The following SPTBN1 variants were observed in gnomAD, a reference collection of about 807,000 sequenced individuals.
SPTBN1 encodes the protein spectrin beta, non-erythrocytic 1.
In SPTBN1, 32 loss-of-function variants were observed where a neutral mutation model predicts 266.4. The ratio of observed to expected loss-of-function variants is 0.12; its 90% confidence interval spans 0.09 to 0.16. The LOEUF is 0.16. Ranked by LOEUF, SPTBN1 falls within the 10% of genes least tolerant of loss-of-function variation. SPTBN1 has a pLI of 1.00. For missense variants in SPTBN1, 2,296 were observed against 3,067.1 expected (o/e 0.75, Z 5.94); for synonymous variants, 1,336 against 1,162.2 (o/e 1.15, Z -3.04).
Position 54,649,851 on chromosome 2 carries a change from T to A in SPTBN1, c.5439T>A (p.Asp1813Glu). 1 of 1,614,218 alleles carries A rather than the reference T, an allele frequency of 6.2e-7. No individual in the cohort carries two copies. The highest frequency in any genetic ancestry group is 8.5e-7 in the Non-Finnish European group (1 of 1,180,038). ...ATGAACTGCACAAGTTTTACCACGATGCCAAGGAGATCTTTGGGCGTATAC... is the reference window on the plus strand; with the variant it reads ...ATGAACTGCACAAGTTTTACCACGAAGCCAAGGAGATCTTTGGGCGTATAC... ...ASYELHKFYH[D>E]AKEIFGRIQD... is the part of the protein sequence containing the mutation. The change falls in exon 26 of 36, where the codon GAT (aspartate) becomes GAA (glutamate). Residue 1813 changes from aspartate (D) to glutamate (E), a missense_variant. Coordinates refer to ENST00000356805, the MANE Select transcript of SPTBN1 (RefSeq NM_003128.3). The surrounding 1 kb of genome is among the most constrained non-coding windows in gnomAD (Gnocchi z 6.7).
intron 3 of SPTBN1, among the ~76,000 whole-genome samples, chr2:54,605,399 G>A (rs2103741284): frequency 6.6e-6 from 1 of 152,236 alleles, no homozygotes; most frequent in East Asian, 1.9e-4. Context: ...TCATCTCTCT[G>A]AGCCACTGTG....
At chr2:54,559,773 T>C (rs1336769632) in intron 2 of SPTBN1, among the ~76,000 whole-genome samples, 1 of 152,210 alleles carries the variant, frequency 6.6e-6, no homozygotes, top group East Asian at 1.9e-4. Flanking sequence ...GGAATGGCTC[T>C]AGCACTGTAA....
intron 2 of SPTBN1, among the ~76,000 whole-genome samples, chr2:54,560,223 C>T (rs1285518727): frequency 2.7e-5 from 4 of 150,816 alleles, no homozygotes; most frequent in East Asian, 3.9e-4. Flanking sequence ...TTGTTAGGGG[C>T]CTCACGGTTT....
chr2:54,592,646 C>A (rs1675758384), intron 2 of SPTBN1, among the ~76,000 whole-genome samples: 1 of 152,208 alleles, frequency 6.6e-6, no homozygotes, highest in East Asian at 1.9e-4. Context: ...CCTTGGCCTC[C>A]CAAAGTGCTG....
chr2:54,628,961 C>T lies in SPTBN1; in HGVS notation c.1827C>T (p.Ile609=), dbSNP rs778327408. Residue 609 remains isoleucine (I), a synonymous_variant, in exon 14 of 36, where the codon ATC becomes ATT. Transcript: ENST00000356805. The surrounding 1 kb of genome is among the most constrained non-coding windows in gnomAD (Gnocchi z 4.3). ...EGYKPCDPQV[I]RDRVAHMEFC... ...ACAAGCCCTGTGACCCCCAGGTGAT[C>T]CGAGACCGCGTGGCCCACATGGAGT... is the stretch of plus-strand genomic sequence containing the variant. 6.2e-7 allele frequency: 1 copy of T among 1,609,322 alleles called. No individual in the cohort carries two copies. Among genetic ancestry groups the T allele is most frequent in the East Asian group, 2.2e-5 (1 of 44,846 alleles).
Position 54,540,272 on chromosome 2 carries a change from T to C in SPTBN1, c.148+13706T>C, listed in dbSNP as rs930121330. 1.3e-5 allele frequency among the ~76,000 whole-genome samples: 2 copies of C among 152,058 alleles called. No individual in the cohort carries two copies. The highest frequency in any genetic ancestry group is 4.8e-5 in the African/African-American group (2 of 41,302). On this transcript the variant is annotated intron_variant, in intron 2 of 35. Transcript: ENST00000356805. This position sits in a 1 kb window ranked among gnomAD's most constrained non-coding sequence, Gnocchi z 5.6. ...AGCTGATTGATAGAATCCTGGAGTTTAATCTTTCTCCTACCAGAATATTTG... is the reference window on the plus strand; with the variant it reads ...AGCTGATTGATAGAATCCTGGAGTTCAATCTTTCTCCTACCAGAATATTTG...
intron 2 of SPTBN1, among the ~76,000 whole-genome samples, chr2:54,564,357 C>A (rs1251168720): frequency 1.3e-5 from 2 of 152,160 alleles, no homozygotes; most frequent in Non-Finnish European, 2.9e-5. Context: ...CATGTCATCA[C>A]CTCTCCTCAC....
At chr2:54,647,066 GTCA>G (rs1679972540) in intron 23 of SPTBN1, 62 bp from the exon 24 acceptor site, 4 of 1,609,604 alleles carry the variant, frequency 2.5e-6, no homozygotes, top group Non-Finnish European at 3.4e-6. Flanking sequence ...CAGCTGGTCT[GTCA>G]CTCCTTAAGG....
chr2:54,625,876 C>T (rs753578815), intron 11 of SPTBN1, 56 bp from the exon 12 acceptor site: 22 of 1,550,294 alleles, frequency 1.4e-5, no homozygotes, highest in Non-Finnish European at 1.9e-5. Flanking sequence ...CAAGCATGAG[C>T]TACTGTGCCC....
At chr2:54,475,040 T>A (rs766412767) in intron 1 of SPTBN1, among the ~76,000 whole-genome samples, 4 of 151,564 alleles carry the variant, frequency 2.6e-5, no homozygotes, top group Non-Finnish European at 5.9e-5. Flanking sequence ...AATATAAAAT[T>A]ATAAAAATAC....
At chr2:54,518,808 T>G (rs907904146) in intron 1 of SPTBN1, among the ~76,000 whole-genome samples, 9 of 152,222 alleles carry the variant, frequency 5.9e-5, no homozygotes, top group African/African-American at 2.2e-4. Context: ...AGGAAGTGTG[T>G]GTATATGGGT....
chr2:54,543,015 G>A (rs1319778042), intron 2 of SPTBN1, among the ~76,000 whole-genome samples: 1 of 152,212 alleles, frequency 6.6e-6, no homozygotes, highest in Non-Finnish European at 1.5e-5. Flanking sequence ...GGCTCTCTCA[G>A]TCTGCCTGTC....
chr2:54,644,659 C>G, intron 20 of SPTBN1, 73 bp downstream of exon 20: 1 of 1,514,680 alleles, frequency 6.6e-7, no homozygotes, highest in Non-Finnish European at 8.9e-7. Flanking sequence ...TCTTTTCTCA[C>G]CCACTGCATT....
At chr2:54,521,243 C>T (rs530140657) in intron 1 of SPTBN1, among the ~76,000 whole-genome samples, 1 of 152,324 alleles carries the variant, frequency 6.6e-6, no homozygotes, top group African/African-American at 2.4e-5. Context: ...CATACTGTTG[C>T]CCTCACTCTG....
In SPTBN1 at chr2:54,628,908, A is replaced by T. The variant is rs1678540569; in HGVS notation, c.1799-25A>T. On this transcript the variant is annotated intron_variant, in intron 13 of 35. Coordinates refer to ENST00000356805, the MANE Select transcript of SPTBN1 (RefSeq NM_003128.3). This position sits in a 1 kb window ranked among gnomAD's most constrained non-coding sequence, Gnocchi z 4.3. ...CCATGCTGAGCTCCCTCACACAGCC[A>T]CGTTCCTTCCTTGATGTTAAACAGG... 6.4e-7 allele frequency: 1 copy of T among 1,556,508 alleles called. No individual in the cohort carries two copies. The highest frequency in any genetic ancestry group is 8.7e-7 in the Non-Finnish European group (1 of 1,151,774).
chr2:54,630,910 C>T lies in SPTBN1; in HGVS notation c.2863C>T (p.Leu955=). 6.2e-7 allele frequency: 1 copy of T among 1,613,092 alleles called. No individual in the cohort carries two copies. Among genetic ancestry groups the T allele is most frequent in the South Asian group, 1.1e-5 (1 of 90,846 alleles). Residue 955 remains leucine (L), a synonymous_variant, in exon 16 of 36, where the codon CTG becomes TTG. Transcript: ENST00000356805. ...GAAGAAGGATGCCCTCCTGTCTGCC[C>T]TGAGCATCCAGAACTACCACCTCGA... is the stretch of plus-strand genomic sequence containing the variant. ...DRKKDALLSA[L]SIQNYHLECN...
At position 54,578,556 on chromosome 2, in the gene SPTBN1, T is replaced by A. The variant is rs114874129; in HGVS notation, c.149-20536T>A. 5.6e-3 allele frequency among the ~76,000 whole-genome samples: 857 copies of A among 152,324 alleles called. 11 individuals are homozygous for A. Among genetic ancestry groups the A allele is most frequent in the African/African-American group, 0.02 (824 of 41,568 alleles). ...CTTTTGAGTTTCCCCATAGCAGATA[T>A]AAAAACTGTTTCTAAGAGTTCATCC... On this transcript the variant is annotated intron_variant, in intron 2 of 35. Transcript: ENST00000356805.
At chr2:54,603,149 A>T (rs1177623923) in intron 3 of SPTBN1, among the ~76,000 whole-genome samples, 10 of 152,178 alleles carry the variant, frequency 6.6e-5, no homozygotes, top group Non-Finnish European at 1.5e-4. Context: ...CAGGATGTCA[A>T]GAAACCTTAG....
In SPTBN1 at chr2:54,547,155, AT is replaced by A. The variant is rs1198027636; in HGVS notation, c.148+20591del. ...CTTCCCCCAGCTCCTGGCAACCACC[AT>A]TCTACTTTCTCTTTCCATGAGTTTA... On this transcript the variant is annotated intron_variant, in intron 2 of 35. Coordinates refer to ENST00000356805, the MANE Select transcript of SPTBN1 (RefSeq NM_003128.3). Among the ~76,000 whole-genome samples the A allele has an allele frequency of 9.2e-5, 14 of 152,232 alleles. 1 individual carries two copies. In the East Asian group the frequency reaches 2.7e-3, roughly 29 times the overall value.
Sources: gnomAD v4.1 joint callset for allele counts (sites outside exome capture counted in the v4.1 genomes callset) on GRCh38, gnomAD v4.1.1 for gene constraint, Gnocchi (gnomAD v3.1) non-coding constraint, MANE v1.5 for transcripts, NCBI Gene and HGNC (gene_info 2026-07-23, HGNC 2026-07-21) for gene names.